Variants in STOX1 observed in about 807,000 individuals in gnomAD.
STOX1 encodes the protein storkhead box 1.
In STOX1, 57 loss-of-function variants were observed where a neutral mutation model predicts 74.8. The ratio of observed to expected loss-of-function variants is 0.76; its 90% CI spans 0.62 to 0.95. STOX1 has a LOEUF of 0.95. Among genes scored for constraint, STOX1 ranks in the 40% least tolerant of loss-of-function variants. STOX1 has a pLI of 0.00. For synonymous variants in STOX1, 375 were observed against 401.3 expected (o/e 0.93, Z 0.78); for missense variants, 1,010 against 1,117.0 (o/e 0.90, Z 1.37).
intron 1 of STOX1, among the ~76,000 whole-genome samples, chr10:68,862,031 A>C (rs1840278878): frequency 6.6e-6 from 1 of 152,066 alleles, no homozygotes; most frequent in African/African-American, 2.4e-5. Flanking sequence ...CATTGATTTG[A>C]TTAACTATCT....
At chr10:68,888,087 ACACACACGCG>A (rs1385062809) in intron 3 of STOX1, among the ~76,000 whole-genome samples, 1 of 151,978 alleles carries the variant, frequency 6.6e-6, no homozygotes, top group African/African-American at 2.4e-5. Context: ...GCACACACGC[ACACACACGCG>A]CACACACACA....
At chr10:68,888,065 ACACACACGCGCG>A (rs1841006782) in intron 3 of STOX1, among the ~76,000 whole-genome samples, 1 of 152,064 alleles carries the variant, frequency 6.6e-6, no homozygotes, top group Admixed American at 6.5e-5. Context: ...ATTCTAACAC[ACACACACGCGCG>A]CACACACGCA....
intron 3 of STOX1, among the ~76,000 whole-genome samples, chr10:68,891,368 T>A (rs1453562554): frequency 6.6e-6 from 1 of 152,150 alleles, no homozygotes; most frequent in Admixed American, 6.6e-5. Flanking sequence ...GAACAAAGCA[T>A]GAGACTTTAA....
intron 1 of STOX1, among the ~76,000 whole-genome samples, chr10:68,853,651 A>G (rs1840045256): frequency 6.6e-6 from 1 of 152,016 alleles, no homozygotes; most frequent in South Asian, 2.1e-4. Flanking sequence ...AACAAATTTC[A>G]TACCACCTTT....
At chr10:68,882,659 C>T (rs1020440947) in intron 2 of STOX1, among the ~76,000 whole-genome samples, 1 of 151,852 alleles carries the variant, frequency 6.6e-6, no homozygotes, top group African/African-American at 2.4e-5. Flanking sequence ...CCAGCATGCC[C>T]AGATAATTTT....
Position 68,827,553 on chromosome 10 carries a change from GA to G in STOX1, c.-70del. 2.0e-6 allele frequency: 2 copies of G among 1,016,202 alleles called. No homozygotes were observed. The highest frequency in any genetic ancestry group is 2.4e-6 in the Non-Finnish European group (2 of 830,964). The allele number at this position is 1,016,202 out of a possible 1,614,324, so 62.9% of individuals were successfully genotyped here. A position where few individuals can be genotyped will look rare whatever the true frequency, so the allele number is the denominator to read the frequency against. ...CGCGCAGTCGGCCGATCCTCCCGCC[GA>G]GCGAGCGGCGTCGTAGCCGCCGCGC... On this transcript the variant is annotated 5_prime_UTR_variant, in exon 1 of 4. Transcript: ENST00000298596.
intron 3 of STOX1, among the ~76,000 whole-genome samples, chr10:68,888,675 C>A (rs1273666042): frequency 6.9e-6 from 1 of 144,186 alleles, no homozygotes; most frequent in Admixed American, 7.1e-5. Flanking sequence ...GACTCTGTCA[C>A]CCAGGCTGGA....
At chr10:68,892,459 C>T in intron 3 of STOX1, 130 bp from the exon 4 acceptor site, 1 of 848,352 alleles carries the variant, frequency 1.2e-6, no homozygotes, top group South Asian at 1.6e-5. Flanking sequence ...TAAAGGTTAA[C>T]TTATTTGATA....
chr10:68,883,104 G>A (rs1840849625), intron 2 of STOX1, among the ~76,000 whole-genome samples: 2 of 151,998 alleles, frequency 1.3e-5, no homozygotes, highest in African/African-American at 4.8e-5. Context: ...TGGGCCGGGT[G>A]TGGTGGCTCA....
intron 1 of STOX1, among the ~76,000 whole-genome samples, chr10:68,828,449 C>T (rs563198794): frequency 1.6e-4 from 24 of 152,278 alleles, no homozygotes; most frequent in African/African-American, 5.8e-4. Context: ...GACGTTCCCT[C>T]CCGCTAGGAC....
chr10:68,870,775 C>T (rs1414903420), intron 1 of STOX1, among the ~76,000 whole-genome samples: 1 of 152,200 alleles, frequency 6.6e-6, no homozygotes, highest in African/African-American at 2.4e-5. Context: ...AGGCTCCCAT[C>T]TGACAGTCAT....
intron 1 of STOX1, among the ~76,000 whole-genome samples, chr10:68,863,922 T>G (rs914958355): frequency 6.9e-6 from 1 of 145,624 alleles, no homozygotes; most frequent in Non-Finnish European, 1.5e-5. Flanking sequence ...TTCTGCTTGT[T>G]TTTTTTTTTT....
intron 1 of STOX1, among the ~76,000 whole-genome samples, chr10:68,865,420 C>T (rs1412166558): frequency 1.3e-5 from 2 of 152,178 alleles, no homozygotes; most frequent in Non-Finnish European, 2.9e-5. Flanking sequence ...GAGGCCGAGG[C>T]GTGTGGATCA....
chr10:68,884,133 A>G, intron 2 of STOX1, 127 bp from the exon 3 acceptor site: 1 of 851,160 alleles, frequency 1.2e-6, no homozygotes, highest in Non-Finnish European at 1.9e-6. Context: ...CATTTTAATC[A>G]CATGTATTAT....
downstream of STOX1, among the ~76,000 whole-genome samples, chr10:68,894,623 A>T (rs1190248758): frequency 6.6e-6 from 1 of 152,220 alleles, no homozygotes; most frequent in African/African-American, 2.4e-5. Flanking sequence ...GTAATCTGGT[A>T]TAGAAAAGAC....
Position 68,886,101 on chromosome 10 carries a change from T to G in STOX1, c.2305T>G (p.Leu769Val). ...CACAGGTGGAAGCCAGGGAAATCAT[T>G]TAGGAAAACAAAAAGTGATTGAGAG... ...SFTGGSQGNHLGKQKVIERSL... is the reference protein window; with the variant it reads ...SFTGGSQGNHVGKQKVIERSL... The change falls in exon 3 of 4, where the codon TTA (leucine) becomes GTA (valine). Residue 769 changes from leucine to valine, a missense_variant. By Grantham distance (32) the Leu-to-Val change is conservative. Transcript: ENST00000298596. The G allele has an allele frequency of 6.2e-7, 1 of 1,614,070 alleles. No individual in the cohort carries two copies. Among genetic ancestry groups the G allele is most frequent in the African/African-American group, 1.3e-5 (1 of 75,010 alleles).
chr10:68,854,122 A>G (rs1346724776), intron 1 of STOX1, among the ~76,000 whole-genome samples: 3 of 151,760 alleles, frequency 2.0e-5, no homozygotes, highest in African/African-American at 7.3e-5. Flanking sequence ...CATCCTCCCA[A>G]GTAGCTGGGA....
chr10:68,891,441 T>C (rs1052267998), intron 3 of STOX1, among the ~76,000 whole-genome samples: 19 of 152,146 alleles, frequency 1.2e-4, no homozygotes, highest in African/African-American at 4.3e-4. Context: ...AGACGAAATA[T>C]GTTTGAGATA....
intron 1 of STOX1, among the ~76,000 whole-genome samples, chr10:68,839,381 C>T (rs1255298568): frequency 6.6e-6 from 1 of 151,980 alleles, no homozygotes; most frequent in African/African-American, 2.4e-5. Context: ...TGCCACCACA[C>T]CCGGCTAATT....
Sources: allele counts gnomAD v4.1 joint callset (sites outside exome capture counted in the v4.1 genomes callset), GRCh38; gene constraint gnomAD v4.1.1; transcripts MANE v1.5; gene names NCBI Gene and HGNC (gene_info 2026-07-23, HGNC 2026-07-21).